The following CTNNBIP1 variants were observed in gnomAD, a reference collection of about 807,000 sequenced individuals.
The protein encoded by CTNNBIP1 is beta-catenin-interacting protein 1.
Under a neutral mutation model 11.8 loss-of-function variants are expected in CTNNBIP1, and 7 were observed. The observed-to-expected ratio is 0.60, with a 90% CI of 0.34 to 1.12. The LOEUF (loss-of-function observed/expected upper bound fraction) is 1.12, where lower values mean the gene tolerates loss of function less well. Ranked by LOEUF, CTNNBIP1 falls within the 50% of genes most tolerant of loss-of-function variation. CTNNBIP1 has a pLI of 0.03. For synonymous variants in CTNNBIP1, 58 were observed against 43.9 expected, an observed-to-expected ratio of 1.32 and a Z score of -1.26; for missense variants, 101 against 113.4, an observed-to-expected ratio of 0.89 and a Z score of 0.50.
chr1:9,887,768 A>G (rs1011804820), intron 1 of CTNNBIP1, among the ~76,000 whole-genome samples: 1 of 152,114 alleles, frequency 6.6e-6, no homozygotes, highest in Non-Finnish European at 1.5e-5. Context: ...AGTCCAACCC[A>G]CTGCCAATCA....
At chr1:9,892,082 A>G (rs1243906771) in intron 1 of CTNNBIP1, among the ~76,000 whole-genome samples, 1 of 152,046 alleles carries the variant, frequency 6.6e-6, no homozygotes, top group Non-Finnish European at 1.5e-5. Context: ...CTGGCATTAT[A>G]GACATGAGCC....
intron 1 of CTNNBIP1, among the ~76,000 whole-genome samples, chr1:9,897,934 T>C (rs1336895292): frequency 1.3e-5 from 2 of 148,470 alleles, no homozygotes; most frequent in African/African-American, 2.5e-5. Flanking sequence ...GCCTGGCCAA[T>C]AGGGCGAAAC....
intron 5 of CTNNBIP1, among the ~76,000 whole-genome samples, chr1:9,861,917 A>G (rs1482845881): frequency 6.6e-6 from 1 of 152,218 alleles, no homozygotes; most frequent in Admixed American, 6.5e-5. Flanking sequence ...TAGCCACAGG[A>G]TAACATCCAC....
chr1:9,906,375 T>G (rs1264159243), intron 1 of CTNNBIP1, among the ~76,000 whole-genome samples: 1 of 152,064 alleles, frequency 6.6e-6, no homozygotes, highest in Non-Finnish European at 1.5e-5. Context: ...CTGACCAACA[T>G]GGTGAAACCC....
intron 5 of CTNNBIP1, among the ~76,000 whole-genome samples, chr1:9,864,299 A>G (rs1168758367): frequency 6.6e-6 from 1 of 152,254 alleles, no homozygotes; most frequent in Non-Finnish European, 1.5e-5. Context: ...GTCTAGGTCT[A>G]GGCGGGGTCC....
At chr1:9,861,995 C>G (rs1016934959) in intron 5 of CTNNBIP1, among the ~76,000 whole-genome samples, 5 of 152,358 alleles carry the variant, frequency 3.3e-5, no homozygotes, top group African/African-American at 1.2e-4. Context: ...CTGCTCTGTT[C>G]TAATCCCAGA....
chr1:9,871,827 G>A lies in CTNNBIP1; in HGVS notation c.96+142C>T. 1 of 686,930 alleles carries A rather than the reference G, an allele frequency of 1.5e-6. No homozygotes were observed. Among genetic ancestry groups the A allele is most frequent in the Admixed American group, 2.3e-5 (1 of 42,694 alleles). The allele number at this position is 686,930 out of a possible 1,614,324, so 42.6% of individuals were successfully genotyped here. On this transcript the variant is annotated intron_variant, in intron 4 of 5. Coordinates refer to ENST00000377263, the MANE Select transcript of CTNNBIP1 (RefSeq NM_020248.3). The surrounding 1 kb of genome is among the most constrained non-coding windows in gnomAD (Gnocchi z 5.2). Reference sequence around the variant, plus strand: ...GGGCCAGAAGCAGCCCTAGAGCCAAGCCACAGGCCCAGCGGCCCCTCCTCA... The same window carrying A: ...GGGCCAGAAGCAGCCCTAGAGCCAAACCACAGGCCCAGCGGCCCCTCCTCA...
rs2101545488 is a variant in CTNNBIP1, at chr1:9,902,224, C to G, written c.-144+7871G>C. Among the ~76,000 whole-genome samples the G allele has an allele frequency of 3.3e-5, 5 of 152,306 alleles. No individual in the cohort carries two copies. The Middle Eastern group carries it at 0.017, about 518-fold the overall frequency. On this transcript the variant is annotated intron_variant, in intron 1 of 5. Transcript: ENST00000377263. Reference sequence around the variant, plus strand: ...CCGCCTGCCACCATATGCCTGCTTTCCAAAGTTGGCAGCGAGAGACGTGTC... The same window carrying G: ...CCGCCTGCCACCATATGCCTGCTTTGCAAAGTTGGCAGCGAGAGACGTGTC...
In CTNNBIP1 at chr1:9,879,991, G is replaced by A. The variant is rs141549340; in HGVS notation, c.-109-2002C>T. 5.6e-3 allele frequency among the ~76,000 whole-genome samples: 847 copies of A among 151,980 alleles called. 10 individuals are homozygous for A. Among genetic ancestry groups the A allele is most frequent in the African/African-American group, 0.02 (814 of 41,444 alleles). On this transcript the variant is annotated intron_variant, in intron 2 of 5. Transcript: ENST00000377263. ...TTATTTATTTTTTACTTTAAGTTCC[G>A]GGATACATGTGCAGAACGTGCAGGT... is the stretch of plus-strand genomic sequence containing the variant.
At chr1:9,879,370 G>T (rs74695017) in intron 2 of CTNNBIP1, among the ~76,000 whole-genome samples, 1 of 152,160 alleles carries the variant, frequency 6.6e-6, no homozygotes, top group East Asian at 1.9e-4. Context: ...TGTCTTCAAT[G>T]AATTCTGAAA....
intron 1 of CTNNBIP1, among the ~76,000 whole-genome samples, chr1:9,905,840 C>T (rs967443281): frequency 2.0e-5 from 3 of 152,156 alleles, no homozygotes; most frequent in Non-Finnish European, 2.9e-5. Context: ...TTCTTGGCTA[C>T]GTCCATAGCA....
At chr1:9,903,641 C>T (rs1639565290) in intron 1 of CTNNBIP1, among the ~76,000 whole-genome samples, 1 of 152,104 alleles carries the variant, frequency 6.6e-6, no homozygotes, top group Admixed American at 6.5e-5. Flanking sequence ...ACCACCATGC[C>T]CCTGGGAACT....
chr1:9,853,573 C>T (rs1014234323), intron 5 of CTNNBIP1, among the ~76,000 whole-genome samples: 7 of 152,212 alleles, frequency 4.6e-5, no homozygotes, highest in African/African-American at 1.7e-4. Context: ...TCTCGCTGTC[C>T]TGGATGCACA....
intron 1 of CTNNBIP1, among the ~76,000 whole-genome samples, chr1:9,895,671 A>G (rs1639395636): frequency 6.8e-6 from 1 of 147,850 alleles, no homozygotes; most frequent in South Asian, 2.1e-4. Context: ...AATTTTTTGT[A>G]TTTTTAGTAG....
intron 3 of CTNNBIP1, among the ~76,000 whole-genome samples, chr1:9,873,322 A>C (rs1638903366): frequency 6.6e-6 from 1 of 152,176 alleles, no homozygotes; most frequent in South Asian, 2.1e-4. Flanking sequence ...CTGGGCCCAG[A>C]AAATGGCCTA....
At chr1:9,858,964 GCATCTTAGTTC>G (rs761353868) in intron 5 of CTNNBIP1, among the ~76,000 whole-genome samples, 14 of 152,218 alleles carry the variant, frequency 9.2e-5, no homozygotes, top group South Asian at 4.1e-4. Flanking sequence ...TGGCCTCCTA[GCATCTTAGTTC>G]CATCTTAGTT....
intron 2 of CTNNBIP1, among the ~76,000 whole-genome samples, chr1:9,880,021 C>A (rs1426892219): frequency 6.6e-6 from 1 of 152,158 alleles, no homozygotes; most frequent in East Asian, 1.9e-4. Flanking sequence ...GCAGGTTACA[C>A]AGGTATGTAC....
chr1:9,857,078 C>T (rs1239482122), intron 5 of CTNNBIP1, among the ~76,000 whole-genome samples: 3 of 150,912 alleles, frequency 2.0e-5, no homozygotes, highest in African/African-American at 4.9e-5. Context: ...GCCAAGATCA[C>T]GCCACTGCAC....
At chr1:9,902,933 T>A (rs976252753) in intron 1 of CTNNBIP1, among the ~76,000 whole-genome samples, 7 of 152,060 alleles carry the variant, frequency 4.6e-5, no homozygotes, top group Admixed American at 1.3e-4. Flanking sequence ...GCCAGGCTAA[T>A]TTTTTGTATT....
Sources: gnomAD v4.1 joint callset for allele counts (sites outside exome capture counted in the v4.1 genomes callset) on GRCh38, gnomAD v4.1.1 for gene constraint, Gnocchi (gnomAD v3.1) non-coding constraint, MANE v1.5 for transcripts, NCBI Gene and HGNC (gene_info 2026-07-23, HGNC 2026-07-21) for gene names.